Variants in TM4SF5 observed in about 807,000 individuals in gnomAD.
TM4SF5 encodes transmembrane 4 L six family member 5.
In TM4SF5, 16 loss-of-function variants were observed where a neutral mutation model predicts 22.3. The observed-to-expected ratio is 0.72, with a 90% CI of 0.49 to 1.09. TM4SF5 has a LOEUF of 1.09. TM4SF5 is among the 50% of genes least tolerant of loss of function. The probability of loss-of-function intolerance (pLI) is 0.00; values close to 1 mark genes in which losing one functional copy is unlikely to be tolerated. For missense variants in TM4SF5, 249 were observed against 266.1 expected (o/e 0.94, Z 0.45); for synonymous variants, 113 against 109.6 (o/e 1.03, Z -0.19).
At chr17:4,776,607 T>C (rs913883607) in intron 1 of TM4SF5, among the ~76,000 whole-genome samples, 2 of 152,224 alleles carry the variant, frequency 1.3e-5, no homozygotes, top group Non-Finnish European at 2.9e-5. Flanking sequence ...CGGCCCATTC[T>C]ACTGTTGAAG....
intron 2 of TM4SF5, among the ~76,000 whole-genome samples, chr17:4,781,489 A>T (rs1917310286): frequency 2.0e-5 from 3 of 152,120 alleles, no homozygotes; most frequent in Non-Finnish European, 4.4e-5. Context: ...GCCTCAAAAA[A>T]AATGTATTTT....
Position 4,782,984 on chromosome 17 carries a change from C to T in TM4SF5, c.526C>T (p.Gln176Ter). ...SCLEIVLCGI[Q>*]LVNATIGVFC... ...CCTGGAGATAGTACTGTGTGGGATCCAGCTGGTGAACGCGACCATTGGTGT... is the reference window on the plus strand; with the variant it reads ...CCTGGAGATAGTACTGTGTGGGATCTAGCTGGTGAACGCGACCATTGGTGT... The change falls in exon 4 of 5, where the codon CAG (glutamine) becomes TAG (stop). Residue 176 changes from glutamine to a stop codon, truncating the protein, a stop_gained. Coordinates refer to ENST00000270560, the MANE Select transcript of TM4SF5 (RefSeq NM_003963.3). LOFTEE classifies it high-confidence loss of function. 6.2e-7 allele frequency: 1 copy of T among 1,614,240 alleles called. No individual in the cohort carries two copies.
intron 1 of TM4SF5, among the ~76,000 whole-genome samples, chr17:4,777,211 A>AG (rs1567707736): frequency 6.6e-6 from 1 of 150,810 alleles, no homozygotes; most frequent in Non-Finnish European, 1.5e-5. Context: ...AAAAAAAAAA[A>AG]GAAAAAGAAA....
chr17:4,772,066 G>C lies in TM4SF5; in HGVS notation c.144G>C (p.Trp48Cys). Reference sequence around the variant, plus strand: ...CCAACCATCTCAGCTTGCAAGTCTGGCTCATGGGCGGCTTCATTGGCGGGG... The same window carrying C: ...CCAACCATCTCAGCTTGCAAGTCTGCCTCATGGGCGGCTTCATTGGCGGGG... ...TNTNHLSLQV[W>C]LMGGFIGGGL... is the part of the protein sequence containing the mutation. The change falls in exon 1 of 5, where the codon TGG becomes TGC. Residue 48 changes from tryptophan to cysteine, a missense_variant. Transcript: ENST00000270560. 6.2e-7 allele frequency: 1 copy of C among 1,614,220 alleles called. No homozygotes were observed. Among genetic ancestry groups the C allele is most frequent in the Non-Finnish European group, 8.5e-7 (1 of 1,180,040 alleles).
At chr17:4,779,605 G>C (rs1017967843) in intron 1 of TM4SF5, among the ~76,000 whole-genome samples, 3 of 152,150 alleles carry the variant, frequency 2.0e-5, no homozygotes, top group African/African-American at 7.2e-5. Flanking sequence ...TTAAGTAAAA[G>C]TTGAGAAAAT....
intron 1 of TM4SF5, among the ~76,000 whole-genome samples, chr17:4,780,292 T>C (rs1349111008): frequency 2.6e-5 from 4 of 152,076 alleles, no homozygotes. Context: ...CGACCTCAGG[T>C]GATCCACCAG....
intron 2 of TM4SF5, 21 bp from the exon 3 acceptor site, chr17:4,782,481 TC>T: frequency 6.2e-7 from 1 of 1,613,116 alleles, no homozygotes; most frequent in Non-Finnish European, 8.5e-7. Context: ...GGGCCTTACC[TC>T]CCCTTCCACA....
At chr17:4,782,197 A>G (rs1158999542) in intron 2 of TM4SF5, among the ~76,000 whole-genome samples, 1 of 151,126 alleles carries the variant, frequency 6.6e-6, no homozygotes, top group Non-Finnish European at 1.5e-5. Flanking sequence ...CCCATGTTCA[A>G]GCTATTCTCC....
rs142516693 is a variant in TM4SF5, at chr17:4,783,011, T to C, written c.553T>C (p.Phe185Leu). 112 of 1,614,192 alleles carry C rather than the reference T, an allele frequency of 6.9e-5. 1 individual carries two copies. The African/African-American group carries it at 1.2e-3, about 18-fold the overall frequency. ...GCTGGTGAACGCGACCATTGGTGTCTTCTGCGGCGATTGCAGGAAAAAACA... is the reference window on the plus strand; with the variant it reads ...GCTGGTGAACGCGACCATTGGTGTCCTCTGCGGCGATTGCAGGAAAAAACA... Reference protein sequence around the residue: ...IQLVNATIGVFCGDCRKKQDT... With the variant: ...IQLVNATIGVLCGDCRKKQDT... Residue 185 changes from phenylalanine to leucine, a missense_variant, in exon 4 of 5, where the codon TTC (phenylalanine) becomes CTC (leucine). By Grantham distance (22) the Phe-to-Leu change is conservative (BLOSUM62 0). Coordinates refer to ENST00000270560, the MANE Select transcript of TM4SF5 (RefSeq NM_003963.3).
At chr17:4,774,100 A>G (rs1051755434) in intron 1 of TM4SF5, among the ~76,000 whole-genome samples, 2 of 152,192 alleles carry the variant, frequency 1.3e-5, no homozygotes, top group African/African-American at 4.8e-5. Flanking sequence ...GGGCGCCTGT[A>G]ATCCCAGCTA....
chr17:4,775,848 A>C (rs976407720), intron 1 of TM4SF5, among the ~76,000 whole-genome samples: 1 of 152,136 alleles, frequency 6.6e-6, no homozygotes, highest in East Asian at 1.9e-4. Flanking sequence ...GGAATGATAG[A>C]GTATGTGTCT....
At chr17:4,776,527 C>T (rs953034490) in intron 1 of TM4SF5, among the ~76,000 whole-genome samples, 1 of 152,142 alleles carries the variant, frequency 6.6e-6, no homozygotes, top group Non-Finnish European at 1.5e-5. Context: ...GTTTTGAACT[C>T]CCAACCTTAG....
At chr17:4,776,481 T>C (rs542581669) in intron 1 of TM4SF5, among the ~76,000 whole-genome samples, 16 of 152,026 alleles carry the variant, frequency 1.1e-4, no homozygotes, top group African/African-American at 3.9e-4. Context: ...TTTGTATTTT[T>C]AGTAGAGACG....
intron 2 of TM4SF5, among the ~76,000 whole-genome samples, chr17:4,781,279 G>A (rs900509387): frequency 3.3e-5 from 5 of 150,110 alleles, no homozygotes; most frequent in South Asian, 2.1e-4. Flanking sequence ...GCAATGGGCC[G>A]AGATCACACC....
intron 1 of TM4SF5, among the ~76,000 whole-genome samples, chr17:4,775,031 CA>C (rs2150645316): frequency 6.6e-6 from 1 of 152,202 alleles, no homozygotes; most frequent in Admixed American, 6.6e-5. Context: ...AACTGAGACC[CA>C]AATGACAAGA....
chr17:4,776,504 A>G (rs997286695), intron 1 of TM4SF5, among the ~76,000 whole-genome samples: 3 of 150,772 alleles, frequency 2.0e-5, no homozygotes, highest in African/African-American at 7.3e-5. Flanking sequence ...GTTTCGCGAT[A>G]TTGGTCAGGC....
chr17:4,782,372 C>A, intron 2 of TM4SF5, 131 bp from the exon 3 acceptor site: 1 of 1,142,470 alleles, frequency 8.8e-7, no homozygotes, highest in Non-Finnish European at 1.3e-6. Flanking sequence ...AGCCACCGCG[C>A]CCGGCATTAA....
At position 4,772,088 on chromosome 17, in the gene TM4SF5, G is replaced by A. The variant is rs762941132; in HGVS notation, c.166G>A (p.Gly56Arg). ...CTGGCTCATGGGCGGCTTCATTGGCGGGGGCCTAATGGTGAGAAGGCTGGC... is the reference window on the plus strand; with the variant it reads ...CTGGCTCATGGGCGGCTTCATTGGCAGGGGCCTAATGGTGAGAAGGCTGGC... ...QVWLMGGFIG[G>R]GLMVLCPGIA... Residue 56 changes from glycine (G) to arginine (R), a missense_variant, in exon 1 of 5, where the codon GGG (glycine) becomes AGG (arginine). By Grantham distance (125) the Gly-to-Arg change is moderately radical. Coordinates refer to ENST00000270560, the MANE Select transcript of TM4SF5 (RefSeq NM_003963.3). The A allele has an allele frequency of 1.4e-5, 23 of 1,614,086 alleles. No individual in the cohort carries two copies. Among genetic ancestry groups the A allele is most frequent in the Admixed American group, 5.0e-5 (3 of 59,996 alleles).
intron 1 of TM4SF5, among the ~76,000 whole-genome samples, chr17:4,776,362 C>T (rs557473688): frequency 3.3e-5 from 5 of 151,818 alleles, no homozygotes; most frequent in South Asian, 2.1e-4. Context: ...AGTACAATGG[C>T]GCCATCTCGG....
Sources: allele counts gnomAD v4.1 joint callset (sites outside exome capture counted in the v4.1 genomes callset), GRCh38; gene constraint gnomAD v4.1.1; transcripts MANE v1.5; gene names NCBI Gene and HGNC (gene_info 2026-07-23, HGNC 2026-07-21).